Variants in RAPGEF6 observed in about 807,000 individuals in gnomAD.
RAPGEF6 encodes Rap guanine nucleotide exchange factor 6, also known as PDZ domain containing guanine nucleotide exchange factor (GEF) 2.
Under a neutral mutation model 171.4 loss-of-function variants are expected in RAPGEF6, and 56 were observed. The ratio of observed to expected loss-of-function variants is 0.33; its 90% confidence interval spans 0.26 to 0.41. RAPGEF6 has a LOEUF of 0.41. Among genes scored for constraint, RAPGEF6 ranks in the 10% least tolerant of loss-of-function variants. The pLI is 1.00. For missense variants in RAPGEF6, 1,674 were observed against 1,921.4 expected, an observed-to-expected ratio of 0.87 and a Z score of 2.41; for synonymous variants, 692 against 650.1, an observed-to-expected ratio of 1.06 and a Z score of -0.98.
chr5:131,531,683 A>G (rs888950224), intron 6 of RAPGEF6, among the ~76,000 whole-genome samples: 1 of 152,228 alleles, frequency 6.6e-6, no homozygotes, highest in South Asian at 2.1e-4. Flanking sequence ...ATTGTAAAAT[A>G]GCACAATTCA....
intron 5 of RAPGEF6, among the ~76,000 whole-genome samples, chr5:131,560,489 G>A (rs1761529218): frequency 6.6e-6 from 1 of 152,134 alleles, no homozygotes; most frequent in Non-Finnish European, 1.5e-5. Flanking sequence ...TATTTCTTTT[G>A]CATATAGTAT....
In RAPGEF6 at chr5:131,495,553, T is replaced by C. The variant is rs946962997; in HGVS notation, c.1527A>G (p.Thr509=). 1.9e-6 allele frequency: 3 copies of C among 1,612,286 alleles called. No individual in the cohort carries two copies. Among genetic ancestry groups the C allele is most frequent in the African/African-American group, 2.7e-5 (2 of 74,910 alleles). ...LEEFEKNLED[T]KMNGHLRLLN... is the part of the protein sequence containing the mutation. ...GAATAGAAATTATTTTGAGCCTTACTGTATCTTCCAGATTTTTTTCAAATT... is the reference window on the plus strand; with the variant it reads ...GAATAGAAATTATTTTGAGCCTTACCGTATCTTCCAGATTTTTTTCAAATT... Residue 509 remains threonine, a splice_region_variant and synonymous_variant, in exon 13 of 28, where the codon ACA becomes ACG. Transcript: ENST00000509018.
intron 4 of RAPGEF6, among the ~76,000 whole-genome samples, chr5:131,565,200 A>T (rs1581032233): frequency 6.6e-6 from 1 of 152,326 alleles, no homozygotes; most frequent in East Asian, 1.9e-4. Context: ...GAATAATAAA[A>T]GCGCAATACC....
chr5:131,516,112 G>T (rs1249549061), intron 7 of RAPGEF6, among the ~76,000 whole-genome samples: 2 of 124,206 alleles, frequency 1.6e-5, no homozygotes, highest in Admixed American at 9.2e-5. Context: ...TTTCTGTGAC[G>T]GAGTCTTTCT....
chr5:131,427,733 C>A (rs918826985), intron 27 of RAPGEF6, among the ~76,000 whole-genome samples: 1 of 152,152 alleles, frequency 6.6e-6, no homozygotes, highest in South Asian at 2.1e-4. Flanking sequence ...GCCACTGTTT[C>A]ATCAAAGATA....
chr5:131,619,963 C>T (rs1445239602), intron 1 of RAPGEF6, among the ~76,000 whole-genome samples: 1 of 152,194 alleles, frequency 6.6e-6, no homozygotes, highest in African/African-American at 2.4e-5. Context: ...CCTTCTTTCA[C>T]AGGGTTTCTT....
intron 16 of RAPGEF6, among the ~76,000 whole-genome samples, chr5:131,474,055 G>A (rs1754931617): frequency 6.6e-6 from 1 of 152,200 alleles, no homozygotes; most frequent in African/African-American, 2.4e-5. Flanking sequence ...CTGTAAATGT[G>A]AGCAACACTA....
chr5:131,596,032 T>G (rs1471311712), intron 3 of RAPGEF6, among the ~76,000 whole-genome samples: 4 of 151,722 alleles, frequency 2.6e-5, no homozygotes, highest in Non-Finnish European at 1.5e-5. Flanking sequence ...TACGCGCCTG[T>G]AATACCAGCT....
intron 4 of RAPGEF6, among the ~76,000 whole-genome samples, chr5:131,585,843 A>G (rs541030064): frequency 6.6e-6 from 1 of 152,174 alleles, no homozygotes; most frequent in South Asian, 2.1e-4. Flanking sequence ...ACAAACAAAA[A>G]AAGCAACCAT....
intron 4 of RAPGEF6, among the ~76,000 whole-genome samples, chr5:131,564,602 T>G (rs1272373233): frequency 6.6e-6 from 1 of 151,740 alleles, no homozygotes; most frequent in Non-Finnish European, 1.5e-5. Context: ...ATGACATCAA[T>G]AAAGAAACAA....
At chr5:131,452,863 T>C (rs866804156) in intron 21 of RAPGEF6, among the ~76,000 whole-genome samples, 191 bp downstream of exon 21, 2 of 152,226 alleles carry the variant, frequency 1.3e-5, no homozygotes, top group Non-Finnish European at 2.9e-5. Flanking sequence ...TTTCTTAATA[T>C]GTATAACGAA....
chr5:131,587,213 A>C (rs768869562), intron 4 of RAPGEF6, among the ~76,000 whole-genome samples: 7 of 152,202 alleles, frequency 4.6e-5, no homozygotes, highest in Non-Finnish European at 1.0e-4. Context: ...AGGAAGTCCT[A>C]CAACACTGTG....
intron 3 of RAPGEF6, among the ~76,000 whole-genome samples, chr5:131,601,121 C>T (rs943498743): frequency 6.0e-4 from 90 of 151,106 alleles, no homozygotes; most frequent in Middle Eastern, 3.5e-3. Context: ...CGGTGGCTCA[C>T]GCCTGTAATC....
chr5:131,579,480 C>T (rs1025721667), intron 4 of RAPGEF6, among the ~76,000 whole-genome samples: 2 of 152,162 alleles, frequency 1.3e-5, no homozygotes, highest in African/African-American at 4.8e-5. Context: ...CTGATTGGTC[C>T]GTTTTGACAG....
At chr5:131,589,136 A>G (rs991385343) in intron 4 of RAPGEF6, among the ~76,000 whole-genome samples, 2 of 152,214 alleles carry the variant, frequency 1.3e-5, no homozygotes, top group African/African-American at 4.8e-5. Flanking sequence ...AAGACACATC[A>G]AAATTAAAGT....
intron 19 of RAPGEF6, among the ~76,000 whole-genome samples, chr5:131,457,988 A>G (rs959409398): frequency 6.6e-6 from 1 of 152,250 alleles, no homozygotes; most frequent in African/African-American, 2.4e-5. Context: ...ACTAGGTACA[A>G]CACTGATATT....
rs1285050250 is a variant in RAPGEF6, at chr5:131,430,998, C to G, written c.4326G>C (p.Thr1442=). 6.2e-7 allele frequency: 1 copy of G among 1,614,154 alleles called. No individual in the cohort carries two copies. The highest frequency in any genetic ancestry group is 1.1e-5 in the South Asian group (1 of 91,084). The change falls in exon 26 of 28, where the codon ACG becomes ACC. Residue 1442 remains threonine (T), a synonymous_variant. Coordinates refer to ENST00000509018, the MANE Select transcript of RAPGEF6 (RefSeq NM_016340.6). ...SWTSSSSLSD[T]YEPNYGTVKQ... Reference sequence around the variant, plus strand: ...TAACTGTCCCATAGTTTGGTTCATACGTGTCAGACAGAGAACTGGAGGAGG... The same window carrying G: ...TAACTGTCCCATAGTTTGGTTCATAGGTGTCAGACAGAGAACTGGAGGAGG...
chr5:131,480,811 T>A (rs545718285), intron 15 of RAPGEF6, among the ~76,000 whole-genome samples: 1 of 151,390 alleles, frequency 6.6e-6, no homozygotes, highest in South Asian at 2.1e-4. Flanking sequence ...GTAATATATA[T>A]CGATTCCTCA....
At chr5:131,615,436 C>T (rs894767148) in intron 1 of RAPGEF6, among the ~76,000 whole-genome samples, 2 of 151,998 alleles carry the variant, frequency 1.3e-5, no homozygotes, top group Non-Finnish European at 2.9e-5. Context: ...GCTTGAGGTA[C>T]TATATTATCT....
Sources: gnomAD v4.1 joint callset for allele counts (sites outside exome capture counted in the v4.1 genomes callset) on GRCh38, gnomAD v4.1.1 for gene constraint, MANE v1.5 for transcripts, NCBI Gene and HGNC (gene_info 2026-07-23, HGNC 2026-07-21) for gene names.